The following EIF4G3 variants were observed in gnomAD, a reference collection of about 807,000 sequenced individuals.
The protein encoded by EIF4G3 is eukaryotic translation initiation factor 4 gamma 3.
Under a neutral mutation model 186.4 loss-of-function variants are expected in EIF4G3, and 34 were observed. The ratio of observed to expected loss-of-function variants is 0.18; its 90% CI spans 0.14 to 0.24. The LOEUF (loss-of-function observed/expected upper bound fraction) is 0.24, where lower values mean the gene tolerates loss of function less well. Ranked by LOEUF, EIF4G3 falls within the 10% of genes least tolerant of loss-of-function variation. EIF4G3 has a pLI of 1.00. For missense variants in EIF4G3, 1,536 were observed against 1,948.5 expected, an observed-to-expected ratio of 0.79 and a Z score of 3.99; for synonymous variants, 673 against 679.5, an observed-to-expected ratio of 0.99 and a Z score of 0.15.
In EIF4G3 at chr1:20,963,531, A is replaced by G. The variant is rs534409571; in HGVS notation, c.714+5943T>C. ...ATACGCTATCAATCCATAATTTCCTACCCCAAAGCCCCATAGCATAGGACT... is the reference window on the plus strand; with the variant it reads ...ATACGCTATCAATCCATAATTTCCTGCCCCAAAGCCCCATAGCATAGGACT... On this transcript the variant is annotated intron_variant, in intron 12 of 36. Transcript: ENST00000602326. Among the ~76,000 whole-genome samples, 42 of 152,216 alleles carry G rather than the reference A, an allele frequency of 2.8e-4. No homozygotes were observed. The Middle Eastern group carries it at 0.01, about 37-fold the overall frequency.
At chr1:21,053,592 T>C (rs1251829845) in intron 3 of EIF4G3, among the ~76,000 whole-genome samples, 7 of 115,578 alleles carry the variant, frequency 6.1e-5, no homozygotes, top group Non-Finnish European at 1.3e-4. Context: ...GGGAGGGAGG[T>C]TGGGGGGTCA....
intron 18 of EIF4G3, among the ~76,000 whole-genome samples, chr1:20,887,385 T>A (rs1318102347): frequency 1.3e-5 from 2 of 152,174 alleles, no homozygotes; most frequent in Non-Finnish European, 2.9e-5. Context: ...AAGTCTAGAC[T>A]TTAATGTCAT....
At chr1:20,873,757 G>A (rs2079934782) in intron 20 of EIF4G3, among the ~76,000 whole-genome samples, 1 of 147,540 alleles carries the variant, frequency 6.8e-6, no homozygotes, top group South Asian at 2.1e-4. Flanking sequence ...ACAGGTGCAG[G>A]ATGTGCAGGT....
In EIF4G3 at chr1:20,821,748, CCTATTATGTATACTTCT is replaced by C. The variant is rs879811725; in HGVS notation, c.4368+3335_4368+3351del. On this transcript the variant is annotated intron_variant, in intron 33 of 36. Coordinates refer to ENST00000602326, the MANE Select transcript of EIF4G3 (RefSeq NM_001391906.1). ...CTATTATGTATACTTCACCATCTTC[CCTATTATGTATACTTCT>C]CTATTATGTATACTTCTCTATTATG... 3.3e-3 allele frequency among the ~76,000 whole-genome samples: 494 copies of C among 150,762 alleles called. 2 individuals are homozygous for C. Among genetic ancestry groups the C allele is most frequent in the Non-Finnish European group, 4.9e-3 (334 of 67,626 alleles).
Position 20,927,121 on chromosome 1 carries a change from G to A in EIF4G3, c.1663+14370C>T, listed in dbSNP as rs1440946887. Among the ~76,000 whole-genome samples the A allele has an allele frequency of 3.3e-5, 5 of 149,948 alleles. No individual in the cohort carries two copies. In the South Asian group the frequency reaches 1.1e-3, roughly 32 times the overall value. ...TGCACTGGTGCAATTGCGGCTGACTGCAACATCCGCCTCCTGGGTTCAAGC... is the reference window on the plus strand; with the variant it reads ...TGCACTGGTGCAATTGCGGCTGACTACAACATCCGCCTCCTGGGTTCAAGC... On this transcript the variant is annotated intron_variant, in intron 14 of 36. Coordinates refer to ENST00000602326, the MANE Select transcript of EIF4G3 (RefSeq NM_001391906.1).
intron 3 of EIF4G3, among the ~76,000 whole-genome samples, chr1:21,056,737 AAAG>A (rs1164722319): frequency 6.6e-6 from 1 of 152,226 alleles, no homozygotes; most frequent in East Asian, 1.9e-4. Context: ...GTTCTCATAC[AAAG>A]AAAACAAGTA....
chr1:21,087,640 T>C (rs1355188814), intron 3 of EIF4G3, among the ~76,000 whole-genome samples: 2 of 148,104 alleles, frequency 1.4e-5, no homozygotes, highest in East Asian at 3.9e-4. Flanking sequence ...CAAAAAAAAT[T>C]TTTTTTTTTT....
At chr1:21,089,355 C>A in intron 2 of EIF4G3, 142 bp from the exon 3 acceptor site, 1 of 597,432 alleles carries the variant, frequency 1.7e-6, no homozygotes, top group African/African-American at 1.9e-5. Context: ...AAACTAAAAA[C>A]CAAATGTTTC....
chr1:21,088,078 AGAGT>A (rs1259143917), intron 3 of EIF4G3, among the ~76,000 whole-genome samples: 2 of 152,178 alleles, frequency 1.3e-5, no homozygotes, highest in East Asian at 3.9e-4. Context: ...CCTGGGTGAC[AGAGT>A]GAGACCCGAT....
At chr1:20,892,730 C>G in intron 18 of EIF4G3, 2 of 1,529,400 alleles carry the variant, frequency 1.3e-6, no homozygotes, top group Non-Finnish European at 1.8e-6. Flanking sequence ...CTTTGCAAAT[C>G]TGTAGAAACA....
chr1:21,029,355 AG>A (rs1273211905), intron 4 of EIF4G3, among the ~76,000 whole-genome samples: 1 of 152,022 alleles, frequency 6.6e-6, no homozygotes, highest in Non-Finnish European at 1.5e-5. Flanking sequence ...CCACGAACAC[AG>A]GTAATGGAAT....
chr1:20,810,406 G>A lies in EIF4G3; in HGVS notation c.4744+332C>T, dbSNP rs2059010869. On this transcript the variant is annotated intron_variant, in intron 36 of 36. Coordinates refer to ENST00000602326, the MANE Select transcript of EIF4G3 (RefSeq NM_001391906.1). The surrounding 1 kb of genome is among the most constrained non-coding windows in gnomAD (Gnocchi z 4.1). ...CCTGACCTCATGATCCATCTGCCTC[G>A]GCCTCCCAAAGTGCTGGGATTACAG... is the stretch of plus-strand genomic sequence containing the variant. Among the ~76,000 whole-genome samples, 1 of 151,928 alleles carries A rather than the reference G, an allele frequency of 6.6e-6. No homozygotes were observed.
intron 8 of EIF4G3, among the ~76,000 whole-genome samples, chr1:20,981,511 GTATATATA>G: frequency 7.5e-6 from 1 of 132,660 alleles, no homozygotes; most frequent in African/African-American, 2.7e-5. Context: ...CGCACATACT[GTATATATA>G]CATACATACA....
At chr1:21,126,658 TA>T (rs554090691) in intron 2 of EIF4G3, among the ~76,000 whole-genome samples, 17 of 145,244 alleles carry the variant, frequency 1.2e-4, no homozygotes, top group African/African-American at 3.0e-4. Flanking sequence ...TCAGACCCTT[TA>T]AAAAAAAAAA....
chr1:21,165,944 T>C (rs1441292669), intron 2 of EIF4G3, among the ~76,000 whole-genome samples: 1 of 151,396 alleles, frequency 6.6e-6, no homozygotes, highest in Non-Finnish European at 1.5e-5. Context: ...ATCCATTATC[T>C]TGAATATTCT....
chr1:20,931,978 T>C (rs190475873), intron 14 of EIF4G3, among the ~76,000 whole-genome samples: 6 of 152,228 alleles, frequency 3.9e-5, no homozygotes, highest in Admixed American at 2.0e-4. Flanking sequence ...GGCGGTTTCA[T>C]CTACAATATC....
At chr1:20,864,277 T>G (rs1046043204) in intron 22 of EIF4G3, among the ~76,000 whole-genome samples, 199 bp downstream of exon 22, 1 of 152,144 alleles carries the variant, frequency 6.6e-6, no homozygotes, top group Non-Finnish European at 1.5e-5. Context: ...TTTTACACAA[T>G]TTGGGACCCT....
At chr1:21,130,312 C>T (rs901277700) in intron 2 of EIF4G3, among the ~76,000 whole-genome samples, 8 of 147,442 alleles carry the variant, frequency 5.4e-5, no homozygotes, top group Non-Finnish European at 8.9e-5. Context: ...GCAACCTCTG[C>T]CCCCGGGGTT....
At chr1:20,960,728 C>T (rs888400415) in intron 12 of EIF4G3, among the ~76,000 whole-genome samples, 2 of 152,010 alleles carry the variant, frequency 1.3e-5, no homozygotes, top group African/African-American at 4.8e-5. Context: ...CACAGCACTC[C>T]AGCCAGGGCA....
Sources: gnomAD v4.1 joint callset for allele counts (sites outside exome capture counted in the v4.1 genomes callset) on GRCh38, gnomAD v4.1.1 for gene constraint, Gnocchi (gnomAD v3.1) non-coding constraint, MANE v1.5 for transcripts, NCBI Gene and HGNC (gene_info 2026-07-23, HGNC 2026-07-21) for gene names.